SGCZ: variants seen among roughly 807,000 people sequenced by gnomAD.
SGCZ encodes zeta-sarcoglycan.
A neutral mutation model predicts 41.3 loss-of-function variants in SGCZ; 40 were observed. The ratio of observed to expected loss-of-function variants is 0.97; its 90% CI spans 0.75 to 1.26. The LOEUF (loss-of-function observed/expected upper bound fraction) is 1.26, where lower values mean the gene tolerates loss of function less well. Ranked by LOEUF, SGCZ falls within the 50% of genes most tolerant of loss-of-function variation. SGCZ has a pLI of 0.00. For missense variants in SGCZ, 552 were observed against 369.8 expected, an observed-to-expected ratio of 1.49 and a Z score of -4.04; for synonymous variants, 206 against 137.5, an observed-to-expected ratio of 1.50 and a Z score of -3.49.
At chr8:14,226,252 G>C (rs542064212) in intron 4 of SGCZ, among the ~76,000 whole-genome samples, 1 of 152,178 alleles carries the variant, frequency 6.6e-6, no homozygotes, top group South Asian at 2.1e-4. Flanking sequence ...AGTATTTCAA[G>C]TTACTATAGA....
chr8:15,181,915 T>C (rs1800191761), intron 1 of SGCZ, among the ~76,000 whole-genome samples: 1 of 152,202 alleles, frequency 6.6e-6, no homozygotes, highest in African/African-American at 2.4e-5. Flanking sequence ...CTAATGCTTT[T>C]AATTTTCAAC....
At chr8:14,323,568 CTAAGAGA>C (rs1200187545) in intron 3 of SGCZ, among the ~76,000 whole-genome samples, 3 of 152,012 alleles carry the variant, frequency 2.0e-5, no homozygotes, top group Non-Finnish European at 4.4e-5. Context: ...TAGCATGCTT[CTAAGAGA>C]TAAAACACAG....
rs1299176544 is a variant in SGCZ at position 14,946,054 on chromosome 8, A to G, written c.39+291531T>C. Among the ~76,000 whole-genome samples, 88 of 90,970 alleles carry G rather than the reference A, an allele frequency of 9.7e-4. 1 individual carries two copies. The highest frequency in any genetic ancestry group is 3.4e-3 in the African/African-American group (79 of 23,368). 59.7% of individuals were successfully genotyped at this position (90,970 alleles called of 152,430 possible). Reference sequence around the variant, plus strand: ...TATATATATATATATATATATATATATGAATCATTCTGTATACTATTGGTT... The same window carrying G: ...TATATATATATATATATATATATATGTGAATCATTCTGTATACTATTGGTT... On this transcript the variant is annotated intron_variant, in intron 1 of 7. Coordinates refer to ENST00000382080, the MANE Select transcript of SGCZ (RefSeq NM_139167.4).
intron 7 of SGCZ, among the ~76,000 whole-genome samples, chr8:14,102,105 A>ATATATATAAT (rs1802047693): frequency 4.6e-5 from 2 of 43,862 alleles, no homozygotes; most frequent in African/African-American, 2.1e-4. Context: ...TATATATATA[A>ATATATATAAT]TTTTTTTTTT....
At chr8:14,148,144 A>C (rs1287105412) in intron 5 of SGCZ, among the ~76,000 whole-genome samples, 1 of 152,156 alleles carries the variant, frequency 6.6e-6, no homozygotes, top group Non-Finnish European at 1.5e-5. Context: ...CATCTTAAAG[A>C]ACTAGGAATG....
At chr8:14,318,075 G>T (rs895639711) in intron 3 of SGCZ, among the ~76,000 whole-genome samples, 1 of 151,878 alleles carries the variant, frequency 6.6e-6, no homozygotes, top group Non-Finnish European at 1.5e-5. Flanking sequence ...GCTTGAGAAT[G>T]CAGTGTATAA....
intron 3 of SGCZ, among the ~76,000 whole-genome samples, chr8:14,282,753 C>T (rs1439073728): frequency 2.0e-5 from 3 of 152,046 alleles, no homozygotes; most frequent in Admixed American, 1.3e-4. Flanking sequence ...TCTTTCATCC[C>T]CTTTCCCCAC....
chr8:14,217,131 C>A (rs140883719), intron 4 of SGCZ, among the ~76,000 whole-genome samples: 4 of 151,798 alleles, frequency 2.6e-5, no homozygotes, highest in Admixed American at 6.6e-5. Context: ...ACTAAAAATA[C>A]GCACACACAC....
rs59986513 is a variant in SGCZ at position 14,267,937 on chromosome 8, A to G, written c.337-30258T>C. 5.6e-3 allele frequency among the ~76,000 whole-genome samples: 851 copies of G among 152,044 alleles called. 8 individuals are homozygous for G. The highest frequency in any genetic ancestry group is 0.02 in the African/African-American group (813 of 41,548). The stretch of plus-strand genomic sequence containing the variant: ...GCATTTCTCTTACATCAGTTGCTAG[A>G]AAAAATCAAATTTAGTCTATTCAAA... On this transcript the variant is annotated intron_variant, in intron 3 of 7. Transcript: ENST00000382080.
chr8:15,010,821 G>A (rs1440134060), intron 1 of SGCZ, among the ~76,000 whole-genome samples: 1 of 152,152 alleles, frequency 6.6e-6, no homozygotes, highest in African/African-American at 2.4e-5. Flanking sequence ...CACCCATGGT[G>A]ACAATGGGAC....
chr8:14,406,531 T>C (rs370164948), intron 2 of SGCZ, among the ~76,000 whole-genome samples: 6 of 152,294 alleles, frequency 3.9e-5, no homozygotes, highest in Admixed American at 1.3e-4. Context: ...GTTGAATGAA[T>C]GTAACCTGTG....
At chr8:14,358,684 T>A (rs1803387975) in intron 2 of SGCZ, among the ~76,000 whole-genome samples, 1 of 152,144 alleles carries the variant, frequency 6.6e-6, no homozygotes, top group South Asian at 2.1e-4. Flanking sequence ...TGATCTTGGT[T>A]CACTGCAACT....
chr8:14,770,098 G>C (rs1242331577), intron 1 of SGCZ, among the ~76,000 whole-genome samples: 1 of 149,494 alleles, frequency 6.7e-6, no homozygotes, highest in Non-Finnish European at 1.5e-5. Flanking sequence ...GAGGATAATA[G>C]TATAATAATA....
At chr8:14,839,905 G>C (rs1405090794) in intron 1 of SGCZ, among the ~76,000 whole-genome samples, 2 of 152,054 alleles carry the variant, frequency 1.3e-5, no homozygotes, top group East Asian at 3.9e-4. Flanking sequence ...CAGTAGAAAT[G>C]ATATTAACAT....
chr8:14,854,242 GAC>G (rs1016394385), intron 1 of SGCZ, among the ~76,000 whole-genome samples: 7 of 151,256 alleles, frequency 4.6e-5, no homozygotes, highest in Non-Finnish European at 1.0e-4. Flanking sequence ...TTGGGCTTTT[GAC>G]ACAGAGTTGG....
intron 1 of SGCZ, among the ~76,000 whole-genome samples, chr8:15,132,804 C>T (rs268433): frequency 0.96 from 145,783 of 152,230 alleles, 70,076 homozygotes; most frequent in East Asian, 1. Context: ...AGAGCCTGTT[C>T]ACCACCATAC....
intron 1 of SGCZ, among the ~76,000 whole-genome samples, chr8:15,074,781 T>G (rs1173037802): frequency 6.6e-6 from 1 of 152,134 alleles, no homozygotes; most frequent in Admixed American, 6.6e-5. Context: ...GGAATACATA[T>G]TCATGCGTGG....
At chr8:14,141,004 C>G (rs147836026) in intron 5 of SGCZ, among the ~76,000 whole-genome samples, 28,421 of 152,030 alleles carry the variant, frequency 0.19, 3,466 homozygotes, top group East Asian at 0.63. Context: ...ACAGAGCCCT[C>G]AGAAATAATA....
intron 2 of SGCZ, among the ~76,000 whole-genome samples, chr8:14,368,639 C>A (rs1182089408): frequency 6.6e-6 from 1 of 151,630 alleles, no homozygotes. Context: ...TTTGAAAGAG[C>A]ACTCCAGTAA....
Sources: gnomAD v4.1 joint callset for allele counts (sites outside exome capture counted in the v4.1 genomes callset) on GRCh38, gnomAD v4.1.1 for gene constraint, MANE v1.5 for transcripts, NCBI Gene and HGNC (gene_info 2026-07-23, HGNC 2026-07-21) for gene names.